DOT1L: variants seen among roughly 807,000 people sequenced by gnomAD.
DOT1L encodes DOT1 like histone lysine methyltransferase, also known as histone-lysine N-methyltransferase, H3 lysine-79 specific.
A neutral mutation model predicts 153.3 loss-of-function variants in DOT1L; 33 were observed. The ratio of observed to expected loss-of-function variants is 0.22; its 90% confidence interval spans 0.16 to 0.29. The LOEUF (loss-of-function observed/expected upper bound fraction) is 0.29. Among genes scored for constraint, DOT1L ranks in the 10% least tolerant of loss-of-function variants. The pLI is 1.00. For synonymous variants in DOT1L, 1,135 were observed against 965.1 expected, an observed-to-expected ratio of 1.18 and a Z score of -3.26; for missense variants, 1,847 against 2,119.9, an observed-to-expected ratio of 0.87 and a Z score of 2.53.
rs2023935235 is a variant in DOT1L at position 2,217,094 on chromosome 19, CGGGCCGCG to C, written c.2544+5_2544+12del. Reference sequence around the variant, plus strand: ...TGGAGAGAAGAGCAGTGAGAAGGTGCGGGCCGCGACCCCTGCCCCGGGCTCAGGGAGGT... The same window carrying C: ...TGGAGAGAAGAGCAGTGAGAAGGTGCACCCCTGCCCCGGGCTCAGGGAGGT... On this transcript the variant is annotated splice_donor_5th_base_variant and intron_variant, in intron 21 of 27. Transcript: ENST00000398665. This position sits in a 1 kb window ranked among gnomAD's most constrained non-coding sequence, Gnocchi z 7.3. The C allele has an allele frequency of 1.3e-6, 2 of 1,588,148 alleles. No individual in the cohort carries two copies. The highest frequency in any genetic ancestry group is 2.7e-5 in the African/African-American group (2 of 74,414).
chr19:2,228,425 ACTGTCCTTCCTTTGG>A, intron 27 of DOT1L: 12 of 1,242,422 alleles, frequency 9.7e-6, no homozygotes, highest in Non-Finnish European at 1.2e-5. Flanking sequence ...CAGACACTGA[ACTGTCCTTCCTTTGG>A]CAGAGAAGAC....
chr19:2,223,310 T>C lies in DOT1L; in HGVS notation c.3420T>C (p.Ile1140=), dbSNP rs2024199861. ...GTAACATCAACCAGCCCCTGGAGAT[T>C]ACAGCCATCTCGTCCCCGGAGACCT... ...MVSNINQPLE[I]TAISSPETSL... is the part of the protein sequence containing the mutation. The change falls in exon 25 of 28, where the codon ATT becomes ATC. Residue 1140 remains isoleucine (I), a synonymous_variant. Coordinates refer to ENST00000398665, the MANE Select transcript of DOT1L (RefSeq NM_032482.3). 1 of 1,613,528 alleles carries C rather than the reference T, an allele frequency of 6.2e-7. No individual in the cohort carries two copies. The highest frequency in any genetic ancestry group is 8.5e-7 in the Non-Finnish European group (1 of 1,179,966).
chr19:2,178,195 G>T lies in DOT1L; in HGVS notation c.82-2518G>T, dbSNP rs569439419. On this transcript the variant is annotated intron_variant, in intron 1 of 27. Coordinates refer to ENST00000398665, the MANE Select transcript of DOT1L (RefSeq NM_032482.3). ...GATCCACCCGCCTCGGCCTCCCAAA[G>T]TGCTGGGATTACAGGTGTGAACCAC... is the stretch of plus-strand genomic sequence containing the variant. Among the ~76,000 whole-genome samples the T allele has an allele frequency of 7.4e-5, 11 of 147,896 alleles. No homozygotes were observed. In the South Asian group the frequency reaches 2.3e-3, roughly 31 times the overall value.
intron 19 of DOT1L, among the ~76,000 whole-genome samples, chr19:2,215,255 G>C (rs923506581): frequency 1.3e-5 from 2 of 152,216 alleles, no homozygotes; most frequent in Non-Finnish European, 2.9e-5. Flanking sequence ...GACAGAGCCA[G>C]GCCCCATCTG....
At chr19:2,203,332 T>G (rs1472953811) in intron 9 of DOT1L, among the ~76,000 whole-genome samples, 1 of 152,200 alleles carries the variant, frequency 6.6e-6, no homozygotes, top group African/African-American at 2.4e-5. Context: ...ACTCCCGATG[T>G]CAGGGTGATC....
At chr19:2,216,172 C>A in intron 19 of DOT1L, 109 bp from the exon 20 acceptor site, 1 of 1,455,786 alleles carries the variant, frequency 6.9e-7, no homozygotes, top group Non-Finnish European at 9.1e-7. Context: ...CCATCCCACA[C>A]AAGCAGCGGG....
At chr19:2,176,475 G>T (rs1026091075) in intron 1 of DOT1L, among the ~76,000 whole-genome samples, 9 of 152,142 alleles carry the variant, frequency 5.9e-5, no homozygotes, top group Non-Finnish European at 1.2e-4. Flanking sequence ...CACTTACGTG[G>T]CCCCCAAAAT....
rs958986656 is a variant in DOT1L at position 2,194,526 on chromosome 19, C to T, written c.600C>T (p.Arg200=). The T allele has an allele frequency of 8.7e-6, 14 of 1,613,850 alleles. No homozygotes were observed. Among genetic ancestry groups the T allele is most frequent in the East Asian group, 2.2e-5 (1 of 44,884 alleles). ...TTCTTTCCTTCCAGACCATGGACCG[C>T]GAGTTCAGGAAGTGGATGAAATGGT... The part of the protein sequence containing the change: ...IPAKYAETMD[R]EFRKWMKWYG... The change falls in exon 7 of 28, where the codon CGC becomes CGT. Residue 200 remains arginine (R), a synonymous_variant. Coordinates refer to ENST00000398665, the MANE Select transcript of DOT1L (RefSeq NM_032482.3).
intron 26 of DOT1L, among the ~76,000 whole-genome samples, 161 bp from the exon 27 acceptor site, chr19:2,226,022 C>T (rs2024315218): frequency 6.6e-6 from 1 of 152,144 alleles, no homozygotes; most frequent in African/African-American, 2.4e-5. Context: ...CCGTCCCCTT[C>T]CCTCCTGTCC....
At chr19:2,182,893 G>T (rs1378794177) in intron 2 of DOT1L, among the ~76,000 whole-genome samples, 1 of 152,180 alleles carries the variant, frequency 6.6e-6, no homozygotes, top group East Asian at 1.9e-4. Context: ...AGCGCATCTG[G>T]AGTCTGGAGC....
At position 2,193,765 on chromosome 19, in the gene DOT1L, C is replaced by T; in HGVS notation, c.570C>T (p.Ile190=). The T allele has an allele frequency of 1.2e-6, 2 of 1,614,056 alleles. No individual in the cohort carries two copies. Among genetic ancestry groups the T allele is most frequent in the Non-Finnish European group, 1.7e-6 (2 of 1,179,966 alleles). The part of the protein sequence containing the change: ...KHHYGVEKAD[I]PAKYAETMDR... ...ACTATGGCGTCGAGAAAGCAGACAT[C>T]CCGGCCAAGTATGCGGAGGTGAGCG... Residue 190 remains isoleucine (I), a synonymous_variant, in exon 6 of 28, where the codon ATC becomes ATT. Coordinates refer to ENST00000398665, the MANE Select transcript of DOT1L (RefSeq NM_032482.3). The surrounding 1 kb of genome is among the most constrained non-coding windows in gnomAD (Gnocchi z 5.9).
At chr19:2,182,521 T>G (rs1400366433) in intron 2 of DOT1L, among the ~76,000 whole-genome samples, 5 of 152,136 alleles carry the variant, frequency 3.3e-5, no homozygotes. Flanking sequence ...TGAGACCCTG[T>G]CTCAAGAAAC....
At chr19:2,183,296 G>A (rs1006490776) in intron 2 of DOT1L, among the ~76,000 whole-genome samples, 13 of 152,192 alleles carry the variant, frequency 8.5e-5, no homozygotes, top group African/African-American at 3.1e-4. Context: ...TCAGCCTCCC[G>A]AGTAGCAGGG....
chr19:2,188,940 C>T (rs759114654), intron 3 of DOT1L, among the ~76,000 whole-genome samples: 1 of 152,182 alleles, frequency 6.6e-6, no homozygotes, highest in Non-Finnish European at 1.5e-5. Context: ...GTGGGCACTC[C>T]CTGGAGCACA....
Position 2,208,580 on chromosome 19 carries a change from C to T in DOT1L, c.964-355C>T, listed in dbSNP as rs1233451431. 6.6e-6 allele frequency among the ~76,000 whole-genome samples: 1 copy of T among 152,214 alleles called. No individual in the cohort carries two copies. The highest frequency in any genetic ancestry group is 2.4e-5 in the African/African-American group (1 of 41,442). On this transcript the variant is annotated intron_variant, in intron 11 of 27. Transcript: ENST00000398665. The surrounding 1 kb of genome is among the most constrained non-coding windows in gnomAD (Gnocchi z 4.4). Reference sequence around the variant, plus strand: ...GCTTCAGCTGCCCTGGCACTGACGCCCTCGGCGCAGCCTCTCGCCTTCTCC... The same window carrying T: ...GCTTCAGCTGCCCTGGCACTGACGCTCTCGGCGCAGCCTCTCGCCTTCTCC...
intron 25 of DOT1L, 60 bp downstream of exon 25, chr19:2,223,546 C>A (rs1467661225): frequency 1.8e-5 from 8 of 453,886 alleles, no homozygotes; most frequent in African/African-American, 2.6e-5. Flanking sequence ...GGTGCCTGCT[C>A]ACTGTGTGTG....
rs1470154392 is a variant in DOT1L at position 2,230,128 on chromosome 19, GC to G, written c.*339del. 1 of 516,244 alleles carries G rather than the reference GC, an allele frequency of 1.9e-6. No individual in the cohort carries two copies. The highest frequency in any genetic ancestry group is 3.4e-6 in the Non-Finnish European group (1 of 296,112). 32.0% of individuals were successfully genotyped at this position (516,244 alleles called of 1,614,324 possible). ...ATAAAGACACGTGTCTGCAGGGCGGGCCCGCCAGCGGATTCGCCACAGCCTG... is the reference window on the plus strand; with the variant it reads ...ATAAAGACACGTGTCTGCAGGGCGGGCCGCCAGCGGATTCGCCACAGCCTG... On this transcript the variant is annotated 3_prime_UTR_variant, in exon 28 of 28. Transcript: ENST00000398665.
rs1599564115 is a variant in DOT1L at position 2,193,117 on chromosome 19, C to T, written c.494-572C>T. On this transcript the variant is annotated intron_variant, in intron 5 of 27. Coordinates refer to ENST00000398665, the MANE Select transcript of DOT1L (RefSeq NM_032482.3). This position sits in a 1 kb window ranked among gnomAD's most constrained non-coding sequence, Gnocchi z 5.9. ...CTGGCGTATCTGCAGCCCCTGTTCCCTCCTTCTCCCTTAGAGCCGGGTGTT... is the reference window on the plus strand; with the variant it reads ...CTGGCGTATCTGCAGCCCCTGTTCCTTCCTTCTCCCTTAGAGCCGGGTGTT... 1.3e-5 allele frequency among the ~76,000 whole-genome samples: 2 copies of T among 152,208 alleles called. No individual in the cohort carries two copies. The highest frequency in any genetic ancestry group is 1.5e-5 in the Non-Finnish European group (1 of 68,046).
chr19:2,193,871 G>GGGTGCA lies in DOT1L; in HGVS notation c.588+89_588+90insGTGCAG. ...TGGGTGCCTGCACCCCACTGCTGTG[G>GGGTGCA]GACTTCCGAGTCTGGGTGGCGTTCT... On this transcript the variant is annotated intron_variant, in intron 6 of 27. Transcript: ENST00000398665. The surrounding 1 kb of genome is among the most constrained non-coding windows in gnomAD (Gnocchi z 5.9). 7.3e-7 allele frequency: 1 copy of GGGTGCA among 1,363,802 alleles called. No individual in the cohort carries two copies. Among genetic ancestry groups the GGGTGCA allele is most frequent in the Non-Finnish European group, 1.0e-6 (1 of 987,320 alleles). 84.5% of individuals were successfully genotyped at this position (1,363,802 alleles called of 1,614,324 possible).
Sources: allele counts gnomAD v4.1 joint callset (sites outside exome capture counted in the v4.1 genomes callset), GRCh38; gene constraint gnomAD v4.1.1; non-coding constraint Gnocchi (gnomAD v3.1); transcripts MANE v1.5; gene names NCBI Gene and HGNC (gene_info 2026-07-23, HGNC 2026-07-21).